The following RNF182 variants were observed in gnomAD, a reference collection of about 807,000 sequenced individuals.
RNF182 encodes ring finger protein 182.
Under a neutral mutation model 14.4 loss-of-function variants are expected in RNF182, and 15 were observed. The ratio of observed to expected loss-of-function variants is 1.04; its 90% CI spans 0.70 to 1.60. RNF182 has a LOEUF of 1.60. RNF182 is among the 40% of genes most tolerant of loss of function. The pLI is 0.00. For synonymous variants in RNF182, 128 were observed against 122.9 expected, an observed-to-expected ratio of 1.04 and a Z score of -0.27; for missense variants, 268 against 294.8, an observed-to-expected ratio of 0.91 and a Z score of 0.67.
chr6:13,973,618 A>G (rs1760249736), intron 1 of RNF182, among the ~76,000 whole-genome samples: 1 of 151,920 alleles, frequency 6.6e-6, no homozygotes, highest in Non-Finnish European at 1.5e-5. Flanking sequence ...CTTGGCATTC[A>G]TTGTCTCTTG....
intron 1 of RNF182, among the ~76,000 whole-genome samples, chr6:13,946,343 T>C (rs1170865192): frequency 6.6e-6 from 1 of 151,828 alleles, no homozygotes; most frequent in Non-Finnish European, 1.5e-5. Flanking sequence ...TTTTTGTATT[T>C]TAGTAGAAAT....
At chr6:13,962,314 G>A (rs1157742058) in intron 1 of RNF182, among the ~76,000 whole-genome samples, 1 of 152,200 alleles carries the variant, frequency 6.6e-6, no homozygotes, top group Non-Finnish European at 1.5e-5. Context: ...TTGTGAATGA[G>A]CAATTGGGTG....
chr6:13,938,086 C>T (rs540058228), intron 1 of RNF182, among the ~76,000 whole-genome samples: 7 of 147,090 alleles, frequency 4.8e-5, no homozygotes, highest in Middle Eastern at 3.5e-3. Flanking sequence ...CTGCAAACTC[C>T]GCCTACCGGG....
chr6:13,925,936 C>G (rs1015952231), intron 1 of RNF182, among the ~76,000 whole-genome samples: 3 of 151,914 alleles, frequency 2.0e-5, no homozygotes, highest in Non-Finnish European at 2.9e-5. Context: ...GTTGCAGACG[C>G]GAAGCACAGA....
At chr6:13,935,140 T>C (rs545733641) in intron 1 of RNF182, among the ~76,000 whole-genome samples, 1 of 152,320 alleles carries the variant, frequency 6.6e-6, no homozygotes, top group African/African-American at 2.4e-5. Context: ...ACATGGAAGA[T>C]GCAAGGGGGC....
At chr6:13,933,244 T>TA (rs1177871712) in intron 1 of RNF182, among the ~76,000 whole-genome samples, 1 of 152,050 alleles carries the variant, frequency 6.6e-6, no homozygotes, top group Admixed American at 6.6e-5. Flanking sequence ...TATTAAAAAG[T>TA]AAGAATTGGC....
intron 2 of RNF182, among the ~76,000 whole-genome samples, chr6:13,976,409 TATCTC>T (rs1760325604): frequency 6.6e-6 from 1 of 152,222 alleles, no homozygotes; most frequent in African/African-American, 2.4e-5. Context: ...AATATGCTCT[TATCTC>T]TATCAAAGCA....
At chr6:13,939,218 G>C (rs985359553) in intron 1 of RNF182, among the ~76,000 whole-genome samples, 2 of 152,150 alleles carry the variant, frequency 1.3e-5, no homozygotes, top group Non-Finnish European at 2.9e-5. Context: ...ACAAATTTTA[G>C]TATCATCCTG....
intron 1 of RNF182, among the ~76,000 whole-genome samples, chr6:13,973,631 T>C (rs1355159954): frequency 6.6e-6 from 1 of 152,212 alleles, no homozygotes; most frequent in Non-Finnish European, 1.5e-5. Flanking sequence ...GTCTCTTGCC[T>C]GCCGCCATGT....
intron 1 of RNF182, among the ~76,000 whole-genome samples, chr6:13,969,972 C>G (rs1057333133): frequency 5.3e-5 from 8 of 152,086 alleles, no homozygotes; most frequent in Non-Finnish European, 1.0e-4. Flanking sequence ...TTGTTCTTAT[C>G]AAGGCATGCT....
intron 1 of RNF182, among the ~76,000 whole-genome samples, chr6:13,930,555 C>G (rs1758944293): frequency 6.6e-6 from 1 of 152,178 alleles, no homozygotes; most frequent in Admixed American, 6.5e-5. Context: ...GCATGTCCCT[C>G]CTCTGAAATA....
At chr6:13,969,319 G>C (rs539837178) in intron 1 of RNF182, among the ~76,000 whole-genome samples, 1 of 152,212 alleles carries the variant, frequency 6.6e-6, no homozygotes, top group South Asian at 2.1e-4. Flanking sequence ...CAGGAGCTTT[G>C]AGAAGTCCGG....
chr6:13,974,688 A>G (rs1760280129), intron 2 of RNF182, among the ~76,000 whole-genome samples: 1 of 152,188 alleles, frequency 6.6e-6, no homozygotes, highest in African/African-American at 2.4e-5. Flanking sequence ...CTGACTGTCA[A>G]ATGCTGATGT....
chr6:13,955,266 C>G (rs1268440884), intron 1 of RNF182, among the ~76,000 whole-genome samples: 1 of 152,186 alleles, frequency 6.6e-6, no homozygotes, highest in Non-Finnish European at 1.5e-5. Flanking sequence ...TATCTGCCAA[C>G]TCTTGATCTA....
chr6:13,968,730 TAATA>T (rs749133444), intron 1 of RNF182, among the ~76,000 whole-genome samples: 6 of 152,162 alleles, frequency 3.9e-5, no homozygotes, highest in South Asian at 2.1e-4. Context: ...CAAAGGCCAC[TAATA>T]AATAAATAAA....
chr6:13,947,117 G>C (rs146724551), intron 1 of RNF182, among the ~76,000 whole-genome samples: 12 of 152,120 alleles, frequency 7.9e-5, no homozygotes, highest in Non-Finnish European at 1.2e-4. Context: ...ATATGGGGTC[G>C]CTAGCTGATT....
chr6:13,927,931 A>G (rs1361963894), intron 1 of RNF182, among the ~76,000 whole-genome samples: 2 of 152,234 alleles, frequency 1.3e-5, no homozygotes, highest in African/African-American at 4.8e-5. Context: ...TCAAGACAAA[A>G]TGCTGTAAAT....
intron 2 of RNF182, among the ~76,000 whole-genome samples, chr6:13,976,406 T>C (rs963235153): frequency 6.6e-6 from 1 of 152,212 alleles, no homozygotes; most frequent in Non-Finnish European, 1.5e-5. Flanking sequence ...TTAAATATGC[T>C]CTTATCTCTA....
intron 1 of RNF182, among the ~76,000 whole-genome samples, chr6:13,953,357 G>A (rs1759643078): frequency 6.6e-6 from 1 of 152,170 alleles, no homozygotes; most frequent in Non-Finnish European, 1.5e-5. Flanking sequence ...AGAACAAAGG[G>A]ATTAGTACTG....
Sources: gnomAD v4.1 joint callset for allele counts (sites outside exome capture counted in the v4.1 genomes callset) on GRCh38, gnomAD v4.1.1 for gene constraint, MANE v1.5 for transcripts, NCBI Gene and HGNC (gene_info 2026-07-23, HGNC 2026-07-21) for gene names.